ANXA9: variants seen among roughly 807,000 people sequenced by gnomAD.
ANXA9 encodes annexin A9, also known as annexin 31.
In ANXA9, 47 loss-of-function variants were observed where a neutral mutation model predicts 51.8. The observed-to-expected ratio is 0.91, with a 90% CI of 0.72 to 1.16. ANXA9 has a LOEUF of 1.16. Among genes scored for constraint, ANXA9 ranks in the 50% most tolerant of loss-of-function variants. The pLI is 0.00. For synonymous variants in ANXA9, 154 were observed against 168.7 expected (o/e 0.91, Z 0.68); for missense variants, 361 against 424.7 (o/e 0.85, Z 1.32).
chr1:150,995,422 C>T lies in ANXA9; in HGVS notation c.*100C>T. On this transcript the variant is annotated 3_prime_UTR_variant, in exon 14 of 14. Transcript: ENST00000368947. Reference sequence around the variant, plus strand: ...TGGGCCTCCAAGTAGGATAACCCCTCACTGAGCACCACATTCTCTAGCTTC... The same window carrying T: ...TGGGCCTCCAAGTAGGATAACCCCTTACTGAGCACCACATTCTCTAGCTTC... The T allele has an allele frequency of 1.0e-6, 1 of 976,902 alleles. No homozygotes were observed. Among genetic ancestry groups the T allele is most frequent in the African/African-American group, 1.7e-5 (1 of 59,730 alleles). 60.5% of individuals were successfully genotyped at this position (976,902 alleles called of 1,614,324 possible). A position where few individuals can be genotyped will look rare whatever the true frequency, so the allele number is the denominator to read the frequency against.
chr1:150,987,727 C>CAAA (rs373848570), intron 9 of ANXA9, 145 bp from the exon 10 acceptor site: 55 of 540,442 alleles, frequency 1.0e-4, no homozygotes, highest in African/African-American at 2.4e-4. Context: ...GAGTCCTTCT[C>CAAA]AAAAAAAAAA....
chr1:150,980,553 C>T (rs892354660), upstream of ANXA9, among the ~76,000 whole-genome samples: 1 of 149,864 alleles, frequency 6.7e-6, no homozygotes. Flanking sequence ...TTCTCTGCCA[C>T]ATGCAATTAC....
At chr1:150,978,997 C>G (rs587763855), upstream of ANXA9, among the ~76,000 whole-genome samples, 1 of 151,632 alleles carries the variant, frequency 6.6e-6, no homozygotes, top group Non-Finnish European at 1.5e-5. Context: ...TAGATTAGAT[C>G]CTCTCTAAGA....
chr1:150,990,364 G>GAAAA (rs61093975), intron 12 of ANXA9, among the ~76,000 whole-genome samples: 6 of 149,156 alleles, frequency 4.0e-5, no homozygotes, highest in African/African-American at 1.0e-4. Context: ...CCATTTTTCT[G>GAAAA]AAAAAAAAAA....
upstream of ANXA9, among the ~76,000 whole-genome samples, chr1:150,979,152 C>T (rs1267249185): frequency 1.3e-5 from 2 of 150,618 alleles, no homozygotes; most frequent in Admixed American, 6.6e-5. Context: ...TTCAATGCAG[C>T]GATTGTGAAC....
At chr1:150,982,273 T>A (rs1571685340), upstream of ANXA9, 1 of 152,532 alleles carries the variant, frequency 6.6e-6, no homozygotes, top group African/African-American at 2.4e-5. Flanking sequence ...CAGCCTAGGC[T>A]GCACACACCC....
intron 12 of ANXA9, among the ~76,000 whole-genome samples, chr1:150,992,560 C>CAT (rs1017401134): frequency 7.3e-5 from 11 of 150,914 alleles, no homozygotes; most frequent in South Asian, 2.1e-4. Flanking sequence ...ACAAACAAAC[C>CAT]ATATATATAT....
chr1:150,987,838 A>T, intron 9 of ANXA9, 34 bp from the exon 10 acceptor site: 1 of 1,588,762 alleles, frequency 6.3e-7, no homozygotes, highest in Non-Finnish European at 8.6e-7. Context: ...AATGATCCTG[A>T]TTGACTCCTC....
Position 150,986,387 on chromosome 1 carries a change from T to G in ANXA9, c.524T>G (p.Leu175Trp), listed in dbSNP as rs970948147. 3 of 1,614,146 alleles carry G rather than the reference T, an allele frequency of 1.9e-6. No homozygotes were observed. The highest frequency in any genetic ancestry group is 2.5e-6 in the Non-Finnish European group (3 of 1,180,004). Reference sequence around the variant, plus strand: ...ATCACATCTGAGACCAGTGGCATCTTGCAGGACCTGCTGTTGGCCCTGGCC... The same window carrying G: ...ATCACATCTGAGACCAGTGGCATCTGGCAGGACCTGCTGTTGGCCCTGGCC... ...DDITSETSGI[L>W]QDLLLALAKG... Residue 175 changes from leucine to tryptophan, a missense_variant, in exon 8 of 14, where the codon TTG (leucine) becomes TGG (tryptophan). Coordinates refer to ENST00000368947, the MANE Select transcript of ANXA9 (RefSeq NM_003568.3).
chr1:150,979,192 G>A (rs1391722851), upstream of ANXA9, among the ~76,000 whole-genome samples: 1 of 151,138 alleles, frequency 6.6e-6, no homozygotes, highest in Admixed American at 6.6e-5. Context: ...CACAGGCAAG[G>A]ACTTCGCTTC....
At chr1:150,988,381 G>A in intron 12 of ANXA9, 40 bp downstream of exon 12, 1 of 1,607,506 alleles carries the variant, frequency 6.2e-7, no homozygotes. Flanking sequence ...AACAGAAACT[G>A]GGGAGGAGAG....
chr1:150,978,507 T>C (rs954278241), upstream of ANXA9, among the ~76,000 whole-genome samples: 1 of 152,092 alleles, frequency 6.6e-6, no homozygotes, highest in Non-Finnish European at 1.5e-5. Context: ...AGGCGGTGTA[T>C]GTGGCTGCCT....
rs1255138463 is a variant in ANXA9 at position 150,995,587 on chromosome 1, T to G, written c.*265T>G. Reference sequence around the variant, plus strand: ...TAGTTTCTGCCTCACTCATCCCTCCTGTACCCTGGCCAGAACATCTCACTG... The same window carrying G: ...TAGTTTCTGCCTCACTCATCCCTCCGGTACCCTGGCCAGAACATCTCACTG... On this transcript the variant is annotated 3_prime_UTR_variant, in exon 14 of 14. Coordinates refer to ENST00000368947, the MANE Select transcript of ANXA9 (RefSeq NM_003568.3). 3 of 393,600 alleles carry G rather than the reference T, an allele frequency of 7.6e-6. No individual in the cohort carries two copies. Among genetic ancestry groups the G allele is most frequent in the East Asian group, 8.5e-5 (2 of 23,434 alleles). 24.4% of individuals were successfully genotyped at this position (393,600 alleles called of 1,614,324 possible). A position where few individuals can be genotyped will look rare whatever the true frequency, so the allele number is the denominator to read the frequency against.
rs200970169 is a variant in ANXA9 at position 150,984,640 on chromosome 1, C to A, written c.436C>A (p.Pro146Thr). Residue 146 changes from proline to threonine, a missense_variant, in exon 7 of 14, where the codon CCC (proline) becomes ACC (threonine). Transcript: ENST00000368947. Reference sequence around the variant, plus strand: ...TGAAATTCTTGCCACTCGAACCCCACCCCAGCTGCAGGAGTGCCTGGCAGT... The same window carrying A: ...TGAAATTCTTGCCACTCGAACCCCAACCCAGCTGCAGGAGTGCCTGGCAGT... ...AIEILATRTP[P>T]QLQECLAVYK... The A allele has an allele frequency of 1.9e-6, 3 of 1,614,112 alleles. No individual in the cohort carries two copies. Among genetic ancestry groups the A allele is most frequent in the Non-Finnish European group, 2.5e-6 (3 of 1,180,008 alleles).
intron 12 of ANXA9, among the ~76,000 whole-genome samples, chr1:150,991,773 T>A (rs2102804118): frequency 6.7e-6 from 1 of 149,792 alleles, no homozygotes; most frequent in South Asian, 2.1e-4. Flanking sequence ...AACTTTTTTT[T>A]TTTTCTTTTT....
chr1:150,994,869 G>A (rs959473575), intron 13 of ANXA9, 170 bp downstream of exon 13: 30 of 941,148 alleles, frequency 3.2e-5, no homozygotes, highest in South Asian at 9.8e-5. Context: ...TGAGGTGGGC[G>A]GATCACGAGG....
rs1221888800 is a variant in ANXA9 at position 150,993,638 on chromosome 1, T to C, written c.853-939T>C. ...TATTTCTTTTTTCTTTCTTTCTTTT[T>C]TTTTTTTTTTTTTGAGACGGAGTTT... On this transcript the variant is annotated intron_variant, in intron 12 of 13. Transcript: ENST00000368947. 1.9e-4 allele frequency among the ~76,000 whole-genome samples: 27 copies of C among 144,066 alleles called. No homozygotes were observed. In the South Asian group the frequency reaches 3.8e-3, roughly 20 times the overall value. 94.5% of individuals were successfully genotyped at this position (144,066 alleles called of 152,430 possible). A position where few individuals can be genotyped will look rare whatever the true frequency, so the allele number is the denominator to read the frequency against.
Position 150,991,360 on chromosome 1 carries a change from C to A in ANXA9, c.852+3019C>A, listed in dbSNP as rs1334332166. ...CAAGCGATTCTTCTGCCTCAGCCTC[C>A]CGAGTAGCTGGGATTACAGGCGCTC... On this transcript the variant is annotated intron_variant, in intron 12 of 13. Coordinates refer to ENST00000368947, the MANE Select transcript of ANXA9 (RefSeq NM_003568.3). Among the ~76,000 whole-genome samples, 4 of 150,608 alleles carry A rather than the reference C, an allele frequency of 2.7e-5. No individual in the cohort carries two copies. In the East Asian group the frequency reaches 8.0e-4, roughly 30 times the overall value.
chr1:150,983,483 G>A, intron 4 of ANXA9, 49 bp downstream of exon 4: 2 of 1,519,082 alleles, frequency 1.3e-6, no homozygotes, highest in African/African-American at 1.4e-5. Flanking sequence ...GAGCCAATCT[G>A]TAGACCAAGG....
Sources: allele counts gnomAD v4.1 joint callset (sites outside exome capture counted in the v4.1 genomes callset), GRCh38; gene constraint gnomAD v4.1.1; transcripts MANE v1.5; gene names NCBI Gene and HGNC (gene_info 2026-07-23, HGNC 2026-07-21).